TG: variants seen among roughly 807,000 people sequenced by gnomAD.
TG encodes the protein thyroid hormones.
In TG, 270 loss-of-function variants were observed where a neutral mutation model predicts 324.7. That is an observed-to-expected ratio of 0.83 (90% confidence interval 0.75 to 0.92). The LOEUF is 0.92. Ranked by LOEUF, TG falls within the 40% of genes least tolerant of loss-of-function variation. The pLI is 0.00. For missense variants in TG, 3,591 were observed against 3,456.4 expected, an observed-to-expected ratio of 1.04 and a Z score of -0.98; for synonymous variants, 1,401 against 1,327.0, an observed-to-expected ratio of 1.06 and a Z score of -1.21.
At chr8:133,039,897 T>C in intron 41 of TG, 2 of 1,482,990 alleles carry the variant, frequency 1.3e-6, no homozygotes, top group Non-Finnish European at 1.8e-6. Flanking sequence ...GCCATGGTTT[T>C]CATGTGCTCG....
chr8:133,108,797 C>T (rs1338895695), intron 43 of TG, among the ~76,000 whole-genome samples: 1 of 152,206 alleles, frequency 6.6e-6, no homozygotes, highest in East Asian at 1.9e-4. Context: ...ACAATCCCTG[C>T]CCCCTTTGCC....
At position 132,900,232 on chromosome 8, in the gene TG, C is replaced by A; in HGVS notation, c.3331-5C>A. On this transcript the variant is annotated splice_region_variant and splice_polypyrimidine_tract_variant and intron_variant, in intron 14 of 47. Coordinates refer to ENST00000220616, the MANE Select transcript of TG (RefSeq NM_003235.5). ...GTGACTGACATGACCCCGGCTTTGT[C>A]TCAGACAGGAGAGTATGCCAGGCTG... is the stretch of plus-strand genomic sequence containing the variant. 2 of 1,613,548 alleles carry A rather than the reference C, an allele frequency of 1.2e-6. No individual in the cohort carries two copies. The highest frequency in any genetic ancestry group is 1.7e-4 in the Middle Eastern group (1 of 6,060).
chr8:133,047,832 T>C, intron 41 of TG: 1 of 1,565,402 alleles, frequency 6.4e-7, no homozygotes, highest in South Asian at 1.1e-5. Flanking sequence ...CCACTCACCT[T>C]TCTTGGTCTC....
At chr8:133,004,826 T>C (rs1043922898) in intron 35 of TG, among the ~76,000 whole-genome samples, 1 of 152,106 alleles carries the variant, frequency 6.6e-6, no homozygotes, top group Non-Finnish European at 1.5e-5. Flanking sequence ...AGCACCAGCA[T>C]GAGAATGGCC....
intron 41 of TG, among the ~76,000 whole-genome samples, chr8:133,091,556 G>A (rs1397259270): frequency 6.6e-6 from 1 of 152,116 alleles, no homozygotes; most frequent in East Asian, 1.9e-4. Context: ...ATTTCAACAA[G>A]GGCAGCTTTG....
rs1814794277 is a variant in TG at position 132,882,585 on chromosome 8, C to T, written c.862C>T (p.Gln288Ter). 3 of 1,614,088 alleles carry T rather than the reference C, an allele frequency of 1.9e-6. No individual in the cohort carries two copies. Among genetic ancestry groups the T allele is most frequent in the African/African-American group, 2.7e-5 (2 of 74,936 alleles). The change falls in exon 7 of 48, where the codon CAA becomes TAA. Residue 288 changes from glutamine to a stop codon, truncating the protein, a stop_gained. Transcript: ENST00000220616. LOFTEE classifies it high-confidence loss of function. ...RILQRRFLAVQSVISGRFRCP... is the reference protein window; with the variant it reads ...RILQRRFLAV ...ACTGCAGAGACGGTTCCTCGCAGTT[C>T]AATCAGTCATCTCTGGCAGATTCCG...
intron 27 of TG, among the ~76,000 whole-genome samples, chr8:132,953,957 T>G (rs1826478091): frequency 6.6e-6 from 1 of 151,766 alleles, no homozygotes. Context: ...AAAAGGCAGA[T>G]TAAATGTCCC....
intron 20 of TG, 30 bp downstream of exon 20, chr8:132,913,295 T>G: frequency 6.9e-6 from 11 of 1,602,036 alleles, no homozygotes; most frequent in Non-Finnish European, 8.5e-6. Context: ...GGATATCTCC[T>G]GTGGAGCCAT....
intron 26 of TG, among the ~76,000 whole-genome samples, chr8:132,943,937 A>T (rs1824844120): frequency 6.6e-6 from 1 of 152,038 alleles, no homozygotes; most frequent in Admixed American, 6.6e-5. Context: ...GAATCCTTAG[A>T]TATTGATAGG....
chr8:133,112,370 G>T (rs987176701), intron 43 of TG, among the ~76,000 whole-genome samples: 3 of 152,192 alleles, frequency 2.0e-5, no homozygotes, highest in African/African-American at 7.2e-5. Context: ...GGCCCAGGAG[G>T]CTGGGCCTCA....
chr8:133,011,121 G>T (rs1156481603), intron 35 of TG, among the ~76,000 whole-genome samples: 1 of 152,198 alleles, frequency 6.6e-6, no homozygotes, highest in Non-Finnish European at 1.5e-5. Context: ...TGAGGGGCAG[G>T]ATTGGCCAGA....
intron 43 of TG, among the ~76,000 whole-genome samples, chr8:133,101,170 A>C (rs992561079): frequency 1.3e-5 from 2 of 152,062 alleles, no homozygotes; most frequent in Non-Finnish European, 2.9e-5. Flanking sequence ...CCTTACCCCC[A>C]CCATACGCAA....
chr8:132,983,723 C>T, intron 35 of TG: 2 of 463,892 alleles, frequency 4.3e-6, no homozygotes, highest in Non-Finnish European at 7.9e-6. Flanking sequence ...CGAGTAATGA[C>T]TAGACACACA....
Position 132,933,615 on chromosome 8 carries a change from A to C in TG, c.4871A>C (p.Glu1624Ala). Reference sequence around the variant, plus strand: ...TTCACCGTGTCCACGACGGAGCCAGAGATTTCCTGTGATTTCTATGCTTGG... The same window carrying C: ...TTCACCGTGTCCACGACGGAGCCAGCGATTTCCTGTGATTTCTATGCTTGG... Reference protein sequence around the residue: ...SFFTVSTTEPEISCDFYAWTS... With the variant: ...SFFTVSTTEPAISCDFYAWTS... Residue 1624 changes from glutamate to alanine, a missense_variant, in exon 24 of 48, where the codon GAG becomes GCG. By Grantham distance (107) the Glu-to-Ala change is moderately radical (BLOSUM62 -1). Coordinates refer to ENST00000220616, the MANE Select transcript of TG (RefSeq NM_003235.5). 2 of 1,614,110 alleles carry C rather than the reference A, an allele frequency of 1.2e-6. No individual in the cohort carries two copies. Among genetic ancestry groups the C allele is most frequent in the South Asian group, 1.1e-5 (1 of 91,078 alleles).
Position 132,966,466 on chromosome 8 carries a change from C to CTG in TG, c.5549-74_5549-73dup, listed in dbSNP as rs58797860. 7,117 of 973,374 alleles carry CTG rather than the reference C, an allele frequency of 7.3e-3. 16 individuals carry two copies. Among genetic ancestry groups the CTG allele is most frequent in the East Asian group, 0.015 (467 of 31,622 alleles). 60.3% of individuals were successfully genotyped at this position (973,374 alleles called of 1,614,324 possible). ...ACACTTTCTCTCTCTGTCTCTCTCT[C>CTG]TGTGTGTGTGTGTGTGTGTGTTTCT... On this transcript the variant is annotated intron_variant, in intron 29 of 47. Coordinates refer to ENST00000220616, the MANE Select transcript of TG (RefSeq NM_003235.5).
Position 132,882,902 on chromosome 8 carries a change from G to A in TG, c.978G>A (p.Gln326=). 6.2e-7 allele frequency: 1 copy of A among 1,614,252 alleles called. No individual in the cohort carries two copies. Among genetic ancestry groups the A allele is most frequent in the Non-Finnish European group, 8.5e-7 (1 of 1,180,042 alleles). ...GCTGCCGCCGAAATGGCGACTATCA[G>A]GCGGTGCAGTGCCAGACGGAAGGGC... ...VPSCRRNGDY[Q]AVQCQTEGPC... Residue 326 remains glutamine (Q), a synonymous_variant, in exon 8 of 48, where the codon CAG becomes CAA. Coordinates refer to ENST00000220616, the MANE Select transcript of TG (RefSeq NM_003235.5).
intron 45 of TG, among the ~76,000 whole-genome samples, chr8:133,121,459 C>A (rs1417571751): frequency 6.6e-6 from 1 of 152,146 alleles, no homozygotes; most frequent in Non-Finnish European, 1.5e-5. Context: ...CTAAAGAAAT[C>A]GTTTAGTTCT....
intron 9 of TG, among the ~76,000 whole-genome samples, chr8:132,887,783 G>T (rs541539319): frequency 1.7e-4 from 26 of 152,308 alleles, no homozygotes; most frequent in Non-Finnish European, 1.9e-4. Context: ...CTGCAGTGCT[G>T]ATCACCAACT....
chr8:132,902,857 T>A (rs984868450), intron 16 of TG, among the ~76,000 whole-genome samples: 2 of 152,204 alleles, frequency 1.3e-5, no homozygotes, highest in Non-Finnish European at 2.9e-5. Flanking sequence ...TAGGACTCCA[T>A]GATACAGTTC....
Sources: allele counts gnomAD v4.1 joint callset (sites outside exome capture counted in the v4.1 genomes callset), GRCh38; gene constraint gnomAD v4.1.1; transcripts MANE v1.5; gene names NCBI Gene and HGNC (gene_info 2026-07-23, HGNC 2026-07-21).